Variants in COL24A1 observed in about 807,000 individuals in gnomAD.
COL24A1 encodes collagen type XXIV alpha 1 chain.
A neutral mutation model predicts 253.9 loss-of-function variants in COL24A1; 224 were observed. The ratio of observed to expected loss-of-function variants is 0.88; its 90% CI spans 0.79 to 0.99. The LOEUF (loss-of-function observed/expected upper bound fraction) is 0.99. Among genes scored for constraint, COL24A1 ranks in the 50% least tolerant of loss-of-function variants. The pLI, the probability that COL24A1 is intolerant of heterozygous loss-of-function variation, is 0.00. For synonymous variants in COL24A1, 685 were observed against 673.7 expected, an observed-to-expected ratio of 1.02 and a Z score of -0.26; for missense variants, 2,131 against 2,068.5, an observed-to-expected ratio of 1.03 and a Z score of -0.59.
intron 47 of COL24A1, among the ~76,000 whole-genome samples, chr1:85,815,047 T>C (rs1024050088): frequency 6.6e-6 from 1 of 152,194 alleles, no homozygotes; most frequent in Non-Finnish European, 1.5e-5. Context: ...TTATAAACTA[T>C]TGGGTCCATC....
chr1:86,011,566 G>A (rs1696483421), intron 19 of COL24A1, among the ~76,000 whole-genome samples: 2 of 152,096 alleles, frequency 1.3e-5, no homozygotes, highest in African/African-American at 4.8e-5. Flanking sequence ...TACTGCAAAG[G>A]CAATCCAGCT....
chr1:86,032,275 G>A (rs1197513087), intron 13 of COL24A1, among the ~76,000 whole-genome samples: 1 of 152,120 alleles, frequency 6.6e-6, no homozygotes, highest in Non-Finnish European at 1.5e-5. Flanking sequence ...AAGACAGGTG[G>A]TCAGCACGTA....
chr1:85,859,778 ACTTTTTT>A (rs1678924867), intron 37 of COL24A1, among the ~76,000 whole-genome samples: 2 of 152,168 alleles, frequency 1.3e-5, no homozygotes, highest in Admixed American at 1.3e-4. Context: ...AAAAATAGCA[ACTTTTTT>A]TTACTATGTA....
At chr1:85,866,355 G>A (rs1679793053) in intron 37 of COL24A1, among the ~76,000 whole-genome samples, 1 of 152,104 alleles carries the variant, frequency 6.6e-6, no homozygotes, top group Non-Finnish European at 1.5e-5. Context: ...AAATCTCTTA[G>A]CTTTTTCTAA....
In COL24A1 at chr1:86,108,620, TAAAAAAAAA is replaced by T. The variant is rs55852463; in HGVS notation, c.1599+3938_1599+3946del. 6.4e-3 allele frequency among the ~76,000 whole-genome samples: 536 copies of T among 83,104 alleles called. 23 individuals are homozygous for T. In the East Asian group the frequency reaches 0.13, roughly 21 times the overall value. The allele number at this position is 83,104 out of a possible 152,430, so 54.5% of individuals were successfully genotyped here. A position where few individuals can be genotyped will look rare whatever the true frequency, so the allele number is the denominator to read the frequency against. ...GAAAATGGAGAAACCCCATCTCTAC[TAAAAAAAAA>T]AAAAAAAAAAAAAAAAAAAAATTTT... On this transcript the variant is annotated intron_variant, in intron 5 of 59. Coordinates refer to ENST00000370571, the MANE Select transcript of COL24A1 (RefSeq NM_152890.7).
chr1:86,056,998 T>C (rs994377858), intron 10 of COL24A1, among the ~76,000 whole-genome samples: 46 of 152,322 alleles, frequency 3.0e-4, no homozygotes, highest in African/African-American at 1.0e-3. Flanking sequence ...TTTTATACAC[T>C]ACATATATGA....
At chr1:85,828,496 T>C (rs1674706554) in intron 43 of COL24A1, among the ~76,000 whole-genome samples, 1 of 151,398 alleles carries the variant, frequency 6.6e-6, no homozygotes, top group African/African-American at 2.4e-5. Context: ...TTCTGTCTCG[T>C]TGATCTGTCT....
intron 28 of COL24A1, among the ~76,000 whole-genome samples, chr1:85,901,530 C>T (rs1350779868): frequency 6.6e-6 from 1 of 151,978 alleles, no homozygotes; most frequent in African/African-American, 2.4e-5. Flanking sequence ...AAAATGGAGC[C>T]TGGGTGTGGT....
intron 33 of COL24A1, among the ~76,000 whole-genome samples, chr1:85,876,824 G>T (rs571538407): frequency 6.6e-6 from 1 of 152,110 alleles, no homozygotes; most frequent in South Asian, 2.1e-4. Context: ...TTCTATACAG[G>T]GCATATAATA....
chr1:85,888,150 T>A (rs1162741777), intron 32 of COL24A1, among the ~76,000 whole-genome samples: 1 of 152,124 alleles, frequency 6.6e-6, no homozygotes, highest in Non-Finnish European at 1.5e-5. Flanking sequence ...TATCTCCTTT[T>A]GAATTAGTCT....
At chr1:86,009,162 C>T (rs1696268759) in intron 19 of COL24A1, among the ~76,000 whole-genome samples, 1 of 152,088 alleles carries the variant, frequency 6.6e-6, no homozygotes, top group Non-Finnish European at 1.5e-5. Context: ...GCCAGGAAAA[C>T]ACTGAAAAAA....
At chr1:86,009,609 G>T (rs1696312714) in intron 19 of COL24A1, among the ~76,000 whole-genome samples, 1 of 152,116 alleles carries the variant, frequency 6.6e-6, no homozygotes, top group Non-Finnish European at 1.5e-5. Context: ...GATAAAAAAT[G>T]GTACATCTGT....
rs762747995 is a variant in COL24A1, at chr1:85,823,528, C to T, written c.3789+8G>A. The T allele has an allele frequency of 6.2e-7, 1 of 1,613,736 alleles. No individual in the cohort carries two copies. The highest frequency in any genetic ancestry group is 1.1e-5 in the South Asian group (1 of 91,056). ...CATCTCAAATTGCCTTAAATAATTT[C>T]AACTTACTTCAGATCCTCTCTCTCC... On this transcript the variant is annotated splice_region_variant and intron_variant, in intron 45 of 59. Transcript: ENST00000370571.
chr1:85,847,796 G>C (rs930245244), intron 38 of COL24A1, 24 bp from the exon 39 acceptor site: 1 of 1,481,768 alleles, frequency 6.7e-7, no homozygotes, highest in Admixed American at 1.8e-5. Flanking sequence ...TATTAAGAGA[G>C]AAAAGCAAGA....
intron 22 of COL24A1, among the ~76,000 whole-genome samples, chr1:85,969,994 T>G (rs532589508): frequency 6.6e-6 from 1 of 152,326 alleles, no homozygotes; most frequent in African/African-American, 2.4e-5. Flanking sequence ...CACAAATTAC[T>G]AAGTCTACAG....
intron 12 of COL24A1, among the ~76,000 whole-genome samples, chr1:86,043,536 A>T (rs969033060): frequency 8.7e-5 from 13 of 149,134 alleles, no homozygotes; most frequent in Non-Finnish European, 4.5e-5. Flanking sequence ...TTTATTTTTC[A>T]TTTTTTTTTT....
At chr1:85,832,847 A>T (rs1293263126) in intron 43 of COL24A1, among the ~76,000 whole-genome samples, 1 of 150,788 alleles carries the variant, frequency 6.6e-6, no homozygotes, top group Non-Finnish European at 1.5e-5. Flanking sequence ...GGGGTTTTCT[A>T]GATATACAAT....
At chr1:86,082,863 C>T (rs1230045202) in intron 7 of COL24A1, among the ~76,000 whole-genome samples, 2 of 146,170 alleles carry the variant, frequency 1.4e-5, no homozygotes, top group African/African-American at 4.9e-5. Context: ...ACTTGAGACT[C>T]CCAAATCTGA....
intron 55 of COL24A1, 88 bp downstream of exon 55, chr1:85,761,308 T>C (rs1666823633): frequency 2.0e-6 from 3 of 1,464,210 alleles, no homozygotes; most frequent in African/African-American, 2.8e-5. Flanking sequence ...AGGGATACCT[T>C]TTAATAGAGA....
Sources: allele counts gnomAD v4.1 joint callset (sites outside exome capture counted in the v4.1 genomes callset), GRCh38; gene constraint gnomAD v4.1.1; transcripts MANE v1.5; gene names NCBI Gene and HGNC (gene_info 2026-07-23, HGNC 2026-07-21).